The following UGGT2 variants were observed in gnomAD, a reference collection of about 807,000 sequenced individuals.
UGGT2 encodes UDP-glucose:glycoprotein glucosyltransferase 2.
In UGGT2, 180 loss-of-function variants were observed where a neutral mutation model predicts 192.1. That is an observed-to-expected ratio of 0.94 (90% CI 0.83 to 1.06). The LOEUF (loss-of-function observed/expected upper bound fraction) is 1.06. UGGT2 is among the 50% of genes least tolerant of loss of function. The pLI, the probability that UGGT2 is intolerant of heterozygous loss-of-function variation, is 0.00. For missense variants in UGGT2, 1,849 were observed against 1,795.7 expected (o/e 1.03, Z -0.54); for synonymous variants, 580 against 591.0 (o/e 0.98, Z 0.27).
intron 17 of UGGT2, among the ~76,000 whole-genome samples, chr13:95,928,679 C>T (rs921262461): frequency 6.6e-6 from 1 of 151,958 alleles, no homozygotes; most frequent in Non-Finnish European, 1.5e-5. Flanking sequence ...GACGGGATGA[C>T]GGCCGGGAAG....
intron 38 of UGGT2, among the ~76,000 whole-genome samples, chr13:95,825,256 G>A (rs952954270): frequency 6.6e-6 from 1 of 152,112 alleles, no homozygotes; most frequent in Non-Finnish European, 1.5e-5. Context: ...GATAGGAGTG[G>A]TATCCCTGGG....
chr13:96,050,677 GAACA>G, intron 1 of UGGT2, among the ~76,000 whole-genome samples: 1 of 152,338 alleles, frequency 6.6e-6, no homozygotes, highest in South Asian at 2.1e-4. Flanking sequence ...TGAAGGATAT[GAACA>G]GACACTTCTC....
intron 38 of UGGT2, among the ~76,000 whole-genome samples, chr13:95,824,448 T>C (rs1369045897): frequency 1.3e-5 from 2 of 152,192 alleles, no homozygotes; most frequent in Admixed American, 1.3e-4. Flanking sequence ...TTTGGATGTT[T>C]TACATAATCC....
intron 29 of UGGT2, among the ~76,000 whole-genome samples, chr13:95,871,533 G>A (rs1891220687): frequency 6.6e-6 from 1 of 152,190 alleles, no homozygotes; most frequent in Non-Finnish European, 1.5e-5. Flanking sequence ...AAGTTGGGAT[G>A]CACAGAGGAC....
chr13:95,869,428 GTATTTC>G (rs200889688), intron 29 of UGGT2, among the ~76,000 whole-genome samples: 1,624 of 152,256 alleles, frequency 0.011, 30 homozygotes, highest in African/African-American at 0.037. Flanking sequence ...GGGTCAAACG[GTATTTC>G]TAGTTCTAGA....
At chr13:95,980,154 G>A (rs139011721) in intron 10 of UGGT2, among the ~76,000 whole-genome samples, 24 of 152,236 alleles carry the variant, frequency 1.6e-4, no homozygotes, top group Non-Finnish European at 2.6e-4. Context: ...CAGAGGGGTG[G>A]GGGGGAAGTC....
At chr13:95,924,728 A>G (rs2048966265) in intron 20 of UGGT2, among the ~76,000 whole-genome samples, 1 of 152,122 alleles carries the variant, frequency 6.6e-6, no homozygotes, top group South Asian at 2.1e-4. Context: ...GGAAGCTGCC[A>G]CGTTGTGAGG....
At chr13:95,977,973 A>G (rs1161016069) in intron 10 of UGGT2, among the ~76,000 whole-genome samples, 2 of 152,154 alleles carry the variant, frequency 1.3e-5, no homozygotes, top group African/African-American at 2.4e-5. Context: ...GTTCTCACTC[A>G]TAAGTGGGAG....
chr13:96,011,548 G>A (rs1307684302), intron 5 of UGGT2, among the ~76,000 whole-genome samples: 8 of 152,008 alleles, frequency 5.3e-5, no homozygotes, highest in Non-Finnish European at 7.4e-5. Flanking sequence ...TTAGAGCAGC[G>A]AAATTATCTT....
intron 16 of UGGT2, 86 bp downstream of exon 16, chr13:95,939,871 T>C (rs2049604940): frequency 8.5e-7 from 1 of 1,176,626 alleles, no homozygotes. Context: ...TCTGACTTTT[T>C]TTAAAGATTC....
At chr13:95,941,434 A>G (rs1202743961) in intron 15 of UGGT2, among the ~76,000 whole-genome samples, 1 of 152,120 alleles carries the variant, frequency 6.6e-6, no homozygotes, top group African/African-American at 2.4e-5. Flanking sequence ...CGAGTTTTTC[A>G]ATTTAGGGGC....
At chr13:95,806,351 C>T (rs1461227054) in intron 38 of UGGT2, among the ~76,000 whole-genome samples, 1 of 152,090 alleles carries the variant, frequency 6.6e-6, no homozygotes, top group East Asian at 1.9e-4. Flanking sequence ...TGAAGGTTAA[C>T]TCCAGGAGTT....
At chr13:95,962,710 C>T (rs1566762353) in intron 12 of UGGT2, among the ~76,000 whole-genome samples, 2 of 152,098 alleles carry the variant, frequency 1.3e-5, no homozygotes, top group South Asian at 2.1e-4. Context: ...CCAGCATTAC[C>T]CGGATACCAA....
At chr13:95,808,634 A>G (rs904823527) in intron 38 of UGGT2, among the ~76,000 whole-genome samples, 15 of 152,184 alleles carry the variant, frequency 9.9e-5, no homozygotes, top group African/African-American at 3.4e-4. Flanking sequence ...AAGTTACTCT[A>G]GTGACTTTCC....
intron 33 of UGGT2, among the ~76,000 whole-genome samples, chr13:95,857,660 G>T (rs1364567621): frequency 6.6e-6 from 1 of 152,076 alleles, no homozygotes; most frequent in Non-Finnish European, 1.5e-5. Flanking sequence ...TAAATTTCAT[G>T]ATTTGTGCAC....
chr13:95,930,715 G>C (rs1047509992), intron 17 of UGGT2, among the ~76,000 whole-genome samples: 1 of 152,138 alleles, frequency 6.6e-6, no homozygotes, highest in African/African-American at 2.4e-5. Context: ...GTGGGTTCTT[G>C]ATCACACTGA....
intron 36 of UGGT2, among the ~76,000 whole-genome samples, chr13:95,841,855 A>G (rs2139950793): frequency 6.6e-6 from 1 of 152,270 alleles, no homozygotes; most frequent in Admixed American, 6.5e-5. Context: ...TTTTGAGTTA[A>G]TTTTTATATA....
chr13:95,903,474 C>T (rs745857435), intron 20 of UGGT2, among the ~76,000 whole-genome samples: 1 of 152,178 alleles, frequency 6.6e-6, no homozygotes, highest in Non-Finnish European at 1.5e-5. Context: ...AAGACAACCA[C>T]TCTCTTGTCA....
intron 14 of UGGT2, 118 bp downstream of exon 14, chr13:95,947,878 T>C (rs1228106623): frequency 7.1e-6 from 5 of 706,150 alleles, no homozygotes; most frequent in Non-Finnish European, 9.7e-6. Context: ...AGCTGTGTTA[T>C]GTCAGGCACT....
Sources: allele counts gnomAD v4.1 joint callset (sites outside exome capture counted in the v4.1 genomes callset), GRCh38; gene constraint gnomAD v4.1.1; transcripts MANE v1.5; gene names NCBI Gene and HGNC (gene_info 2026-07-23, HGNC 2026-07-21).